Variants in RYR1 observed in about 807,000 individuals in gnomAD.
RYR1 encodes the protein central core disease of muscle.
In RYR1, 342 loss-of-function variants were observed where a neutral mutation model predicts 583.5. That is an observed-to-expected ratio of 0.59 (90% CI 0.54 to 0.64). The LOEUF (loss-of-function observed/expected upper bound fraction) is 0.64, where lower values mean the gene tolerates loss of function less well. Ranked by LOEUF, RYR1 falls within the 30% of genes least tolerant of loss-of-function variation. The probability of loss-of-function intolerance (pLI) is 0.00; values close to 1 mark genes in which losing one functional copy is unlikely to be tolerated. For synonymous variants in RYR1, 2,791 were observed against 2,822.5 expected (o/e 0.99, Z 0.35); for missense variants, 6,032 against 6,917.2 (o/e 0.87, Z 4.54).
intron 18 of RYR1, among the ~76,000 whole-genome samples, chr19:38,458,827 A>G (rs1967571530): frequency 6.6e-6 from 1 of 151,976 alleles, no homozygotes; most frequent in African/African-American, 2.4e-5. Context: ...GTTTCACCAC[A>G]TTGGCCAGGC....
chr19:38,516,986 G>T (rs906820852), intron 65 of RYR1, among the ~76,000 whole-genome samples: 1 of 152,160 alleles, frequency 6.6e-6, no homozygotes, highest in Non-Finnish European at 1.5e-5. Flanking sequence ...ACTGAACCGG[G>T]TGTGGGATTC....
chr19:38,524,931 C>T (rs1568537272), intron 70 of RYR1, among the ~76,000 whole-genome samples: 2 of 152,004 alleles, frequency 1.3e-5, no homozygotes. Context: ...GGGGGAAAAT[C>T]TGGATGGGCC....
At position 38,486,368 on chromosome 19, in the gene RYR1, C is replaced by T. The variant is rs113695226; in HGVS notation, c.5547+166C>T. On this transcript the variant is annotated intron_variant, in intron 34 of 105. Transcript: ENST00000359596. ...TTTTATTATTATTATTTTTTCGAGA[C>T]GGAGTCTCACTGTCGCCCAGGCTGG... Among the ~76,000 whole-genome samples the T allele has an allele frequency of 2.8e-4, 43 of 152,156 alleles. 4 individuals carry two copies. Among genetic ancestry groups the T allele is most frequent in the African/African-American group, 9.6e-4 (40 of 41,528 alleles).
At chr19:38,471,856 T>C (rs1405569609) in intron 27 of RYR1, among the ~76,000 whole-genome samples, 2 of 142,308 alleles carry the variant, frequency 1.4e-5, no homozygotes, top group African/African-American at 5.4e-5. Flanking sequence ...CAGCCAAGAT[T>C]GCACCATTGC....
chr19:38,515,959 C>T, intron 64 of RYR1, 128 bp from the exon 65 acceptor site: 1 of 1,156,986 alleles, frequency 8.6e-7, no homozygotes, highest in Non-Finnish European at 1.2e-6. Flanking sequence ...AAACAAGTGG[C>T]ACACATGGAT....
intron 27 of RYR1, 30 bp downstream of exon 27, chr19:38,469,543 A>AT (rs1968307620): frequency 1.3e-6 from 2 of 1,596,730 alleles, no homozygotes; most frequent in African/African-American, 2.7e-5. Flanking sequence ...ATGCCTTCTC[A>AT]TCTGCCTCCA....
intron 30 of RYR1, 149 bp downstream of exon 30, chr19:38,478,019 C>T (rs909934241): frequency 8.1e-5 from 61 of 752,362 alleles, no homozygotes; most frequent in Middle Eastern, 7.5e-4. Context: ...GCACCCAGCT[C>T]GGAAGCTTCC....
intron 60 of RYR1, 62 bp downstream of exon 60, chr19:38,510,843 A>G (rs1243319767): frequency 9.9e-6 from 16 of 1,609,688 alleles, no homozygotes; most frequent in Admixed American, 1.7e-5. Flanking sequence ...TCCTTTGCCC[A>G]TGGAGGCTCT....
chr19:38,512,400 C>T lies in RYR1; in HGVS notation c.9389C>T (p.Thr3130Ile). Residue 3130 changes from threonine (T) to isoleucine (I), a missense_variant, in exon 63 of 106, where the codon ACC becomes ATC. By Grantham distance (89) the Thr-to-Ile change is moderately conservative. Transcript: ENST00000359596. The surrounding 1 kb of genome is among the most constrained non-coding windows in gnomAD (Gnocchi z 5.1). ...TQVKGVGQNL[T>I]YTTVALLPVL... ...GTGAAAGGCGTGGGCCAGAACCTCACCTACACCACTGTGGCACTGCTGCCG... is the reference window on the plus strand; with the variant it reads ...GTGAAAGGCGTGGGCCAGAACCTCATCTACACCACTGTGGCACTGCTGCCG... 1.9e-6 allele frequency: 3 copies of T among 1,613,988 alleles called. No individual in the cohort carries two copies. The highest frequency in any genetic ancestry group is 2.5e-6 in the Non-Finnish European group (3 of 1,180,026).
chr19:38,499,002 A>G lies in RYR1; in HGVS notation c.6892-106A>G. 1 of 1,475,254 alleles carries G rather than the reference A, an allele frequency of 6.8e-7. No individual in the cohort carries two copies. The highest frequency in any genetic ancestry group is 2.4e-5 in the East Asian group (1 of 42,540). The allele number at this position is 1,475,254 out of a possible 1,614,324, so 91.4% of individuals were successfully genotyped here. A position where few individuals can be genotyped will look rare whatever the true frequency, so the allele number is the denominator to read the frequency against. ...CTAATGGGCCGAGGGATCAGAGCTG[A>G]ACCGGACTGAGGAGCCGCAGGGCAG... On this transcript the variant is annotated intron_variant, in intron 42 of 105. Coordinates refer to ENST00000359596, the MANE Select transcript of RYR1 (RefSeq NM_000540.3). This position sits in a 1 kb window ranked among gnomAD's most constrained non-coding sequence, Gnocchi z 7.3.
chr19:38,439,836 A>T (rs955696749), intron 1 of RYR1, among the ~76,000 whole-genome samples: 1 of 152,208 alleles, frequency 6.6e-6, no homozygotes, highest in African/African-American at 2.4e-5. Context: ...TACTTCCAGG[A>T]TCCAGCCCGG....
At chr19:38,470,153 C>T (rs1057136739) in intron 27 of RYR1, among the ~76,000 whole-genome samples, 8 of 143,960 alleles carry the variant, frequency 5.6e-5, no homozygotes, top group African/African-American at 2.1e-4. Context: ...GCAAGGAGAG[C>T]GAAACTCCAT....
At position 38,444,215 on chromosome 19, in the gene RYR1, T is replaced by C. The variant is rs1432524603; in HGVS notation, c.491T>C (p.Val164Ala). 3.7e-6 allele frequency: 6 copies of C among 1,613,934 alleles called. No homozygotes were observed. The highest frequency in any genetic ancestry group is 1.3e-5 in the African/African-American group (1 of 74,886). ...AGGTCTGAAGGAGAAAAGGTCCGCG[T>C]TGGGGATGACATCATCCTTGTCAGT... ...KQRSEGEKVR[V>A]GDDIILVSVS... is the part of the protein sequence containing the mutation. Residue 164 changes from valine to alanine, a missense_variant, in exon 6 of 106, where the codon GTT (valine) becomes GCT (alanine). Coordinates refer to ENST00000359596, the MANE Select transcript of RYR1 (RefSeq NM_000540.3). The surrounding 1 kb of genome is among the most constrained non-coding windows in gnomAD (Gnocchi z 5.1).
chr19:38,517,325 C>T (rs1017161216), intron 65 of RYR1, 34 bp from the exon 66 acceptor site: 1 of 1,605,040 alleles, frequency 6.2e-7, no homozygotes, highest in African/African-American at 1.3e-5. Flanking sequence ...GGGGTGATGG[C>T]TTGACATTCC....
At chr19:38,564,401 T>C (rs895614749) in intron 90 of RYR1, among the ~76,000 whole-genome samples, 3 of 152,152 alleles carry the variant, frequency 2.0e-5, no homozygotes, top group Admixed American at 6.5e-5. Context: ...GGCAGGCGCC[T>C]GTAATCCCAG....
rs148728668 is a variant in RYR1, at chr19:38,551,329, C to T, written c.12282+2909C>T. 4.5e-3 allele frequency among the ~76,000 whole-genome samples: 686 copies of T among 151,598 alleles called. 3 individuals carry two copies. The highest frequency in any genetic ancestry group is 0.016 in the African/African-American group (644 of 41,336). ...AATTCCCAACCTCAAGTGATCCGCCCGCCTCAGCCTCCCAGAGTGCTGGGA... is the reference window on the plus strand; with the variant it reads ...AATTCCCAACCTCAAGTGATCCGCCTGCCTCAGCCTCCCAGAGTGCTGGGA... On this transcript the variant is annotated intron_variant, in intron 89 of 105. Transcript: ENST00000359596.
chr19:38,517,272 G>C, intron 65 of RYR1, 87 bp from the exon 66 acceptor site: 1 of 1,342,024 alleles, frequency 7.5e-7, no homozygotes, highest in Non-Finnish European at 1.0e-6. Context: ...GCAATTCAAT[G>C]GTGTCTGATG....
intron 21 of RYR1, 44 bp downstream of exon 21, chr19:38,463,571 G>A (rs370073613): frequency 3.2e-4 from 503 of 1,579,478 alleles, no homozygotes; most frequent in Non-Finnish European, 4.2e-4. Flanking sequence ...CTAGACTTGC[G>A]GTGCCAGGAG....
At chr19:38,434,713 C>T (rs12972895) in intron 1 of RYR1, among the ~76,000 whole-genome samples, 5,216 of 152,156 alleles carry the variant, frequency 0.034, 142 homozygotes, top group African/African-American at 0.058. Flanking sequence ...GGAGGGGCTG[C>T]CATCTCCTTG....
Sources: allele counts gnomAD v4.1 joint callset (sites outside exome capture counted in the v4.1 genomes callset), GRCh38; gene constraint gnomAD v4.1.1; non-coding constraint Gnocchi (gnomAD v3.1); transcripts MANE v1.5; gene names NCBI Gene and HGNC (gene_info 2026-07-23, HGNC 2026-07-21).